Variants in DOCK4 observed in about 807,000 individuals in gnomAD.
DOCK4 encodes the protein dedicator of cytokinesis protein 4.
Under a neutral mutation model 268.1 loss-of-function variants are expected in DOCK4, and 97 were observed. The ratio of observed to expected loss-of-function variants is 0.36; its 90% confidence interval spans 0.31 to 0.43. DOCK4 has a LOEUF of 0.43. Among genes scored for constraint, DOCK4 ranks in the 20% least tolerant of loss-of-function variants. The pLI, the probability that DOCK4 is intolerant of heterozygous loss-of-function variation, is 1.00. For synonymous variants in DOCK4, 954 were observed against 887.2 expected (o/e 1.08, Z -1.34); for missense variants, 2,145 against 2,455.7 (o/e 0.87, Z 2.67).
intron 5 of DOCK4, among the ~76,000 whole-genome samples, chr7:111,991,867 A>G (rs1799559901): frequency 6.7e-6 from 1 of 148,896 alleles, no homozygotes; most frequent in African/African-American, 2.5e-5. Flanking sequence ...AGGCTGAGGC[A>G]GGAGAATGGC....
intron 1 of DOCK4, among the ~76,000 whole-genome samples, chr7:112,156,928 A>C (rs1415363935): frequency 6.6e-6 from 1 of 152,228 alleles, no homozygotes. Flanking sequence ...ACAAGTTTAT[A>C]GTATGAAAAG....
intron 48 of DOCK4, 76 bp downstream of exon 48, chr7:111,739,320 G>C: frequency 6.3e-7 from 1 of 1,592,670 alleles, no homozygotes; most frequent in Non-Finnish European, 8.6e-7. Context: ...GCCTGAACGT[G>C]TGGCAGCTGG....
At chr7:111,731,263 G>A (rs138370350) in intron 52 of DOCK4, among the ~76,000 whole-genome samples, 14 of 152,202 alleles carry the variant, frequency 9.2e-5, no homozygotes, top group Non-Finnish European at 4.4e-5. Context: ...GGGGGGAGGC[G>A]GGTTGTTTTC....
chr7:112,103,420 T>G (rs182427758), intron 1 of DOCK4, among the ~76,000 whole-genome samples: 47 of 152,308 alleles, frequency 3.1e-4, no homozygotes, highest in African/African-American at 1.1e-3. Flanking sequence ...CCCATGTTCC[T>G]GAGAGCCAGG....
rs796075466 is a variant in DOCK4 at position 111,866,337 on chromosome 7, CA to C, written c.2280+1646del. Among the ~76,000 whole-genome samples, 30 of 152,246 alleles carry C rather than the reference CA, an allele frequency of 2.0e-4. No homozygotes were observed. The South Asian group carries it at 4.8e-3, about 24-fold the overall frequency. On this transcript the variant is annotated intron_variant, in intron 22 of 52. Coordinates refer to ENST00000428084, the MANE Select transcript of DOCK4 (RefSeq NM_001363540.2). ...TTTTATATGGATTTTTTCTTAGCAT[CA>C]AAAGAAACATCAATTATCACATCAA... is the stretch of plus-strand genomic sequence containing the variant.
chr7:111,992,412 G>A (rs1414364869), intron 5 of DOCK4, among the ~76,000 whole-genome samples: 1 of 152,108 alleles, frequency 6.6e-6, no homozygotes, highest in Non-Finnish European at 1.5e-5. Flanking sequence ...GGTCTGACAT[G>A]GCCAAGGTAG....
chr7:111,841,596 T>A (rs1803700966), intron 25 of DOCK4, among the ~76,000 whole-genome samples: 1 of 152,014 alleles, frequency 6.6e-6, no homozygotes, highest in African/African-American at 2.4e-5. Flanking sequence ...TCTTAAAGCA[T>A]AAAAGCAAAG....
intron 41 of DOCK4, among the ~76,000 whole-genome samples, chr7:111,757,576 G>T (rs975066512): frequency 6.6e-6 from 1 of 152,014 alleles, no homozygotes; most frequent in Non-Finnish European, 1.5e-5. Flanking sequence ...TTTTCCAGTG[G>T]CCTCCTTGCC....
At chr7:112,047,843 C>T (rs765455797) in intron 1 of DOCK4, among the ~76,000 whole-genome samples, 1 of 152,128 alleles carries the variant, frequency 6.6e-6, no homozygotes, top group Non-Finnish European at 1.5e-5. Flanking sequence ...CAGGTGCATG[C>T]CACCATGCCT....
chr7:112,179,006 T>A (rs781019625), intron 1 of DOCK4, among the ~76,000 whole-genome samples: 6 of 152,168 alleles, frequency 3.9e-5, no homozygotes, highest in Non-Finnish European at 7.3e-5. Context: ...ATGAACATTT[T>A]AAAAAACTGT....
At chr7:112,193,574 G>T (rs1397357442) in intron 1 of DOCK4, among the ~76,000 whole-genome samples, 1 of 149,394 alleles carries the variant, frequency 6.7e-6, no homozygotes, top group African/African-American at 2.5e-5. Context: ...ATTCCAGCCT[G>T]AGCGACAGAG....
chr7:112,180,788 A>G (rs1818958863), intron 1 of DOCK4, among the ~76,000 whole-genome samples: 1 of 152,182 alleles, frequency 6.6e-6, no homozygotes, highest in Non-Finnish European at 1.5e-5. Context: ...TTGGCAAAGC[A>G]GGCTGCTTTA....
At chr7:111,831,577 C>G (rs915319510) in intron 26 of DOCK4, among the ~76,000 whole-genome samples, 1 of 151,900 alleles carries the variant, frequency 6.6e-6, no homozygotes, top group Non-Finnish European at 1.5e-5. Context: ...CTCCACCTCC[C>G]TGGCTGAAGC....
intron 1 of DOCK4, among the ~76,000 whole-genome samples, chr7:112,063,176 C>T (rs577791138): frequency 2.0e-4 from 31 of 152,268 alleles, no homozygotes; most frequent in African/African-American, 7.5e-4. Context: ...TTCTCTTTGA[C>T]CAAACTGCAA....
intron 12 of DOCK4, among the ~76,000 whole-genome samples, chr7:111,927,187 T>C (rs1793787454): frequency 6.6e-6 from 1 of 152,222 alleles, no homozygotes; most frequent in African/African-American, 2.4e-5. Context: ...GACTACCTTC[T>C]AATATGCAAA....
At chr7:112,015,760 T>G (rs1586646853) in intron 1 of DOCK4, among the ~76,000 whole-genome samples, 1 of 152,212 alleles carries the variant, frequency 6.6e-6, no homozygotes, top group South Asian at 2.1e-4. Context: ...ACAGGCTGGG[T>G]AATTTATAAA....
At chr7:112,018,125 C>T (rs151073760) in intron 1 of DOCK4, among the ~76,000 whole-genome samples, 2 of 94,322 alleles carry the variant, frequency 2.1e-5, no homozygotes, top group Non-Finnish European at 3.8e-5. Flanking sequence ...GCCTGGGCAA[C>T]ACAGCAAGAC....
chr7:112,123,804 T>A (rs1812964753), intron 1 of DOCK4, among the ~76,000 whole-genome samples: 2 of 152,258 alleles, frequency 1.3e-5, no homozygotes, highest in East Asian at 3.9e-4. Flanking sequence ...GAATCAGCTA[T>A]CATAAGGAAG....
intron 26 of DOCK4, among the ~76,000 whole-genome samples, chr7:111,834,110 C>T (rs1305555865): frequency 6.6e-6 from 1 of 152,136 alleles, no homozygotes; most frequent in African/African-American, 2.4e-5. Context: ...GTCAGAGTAG[C>T]ACAGCATATT....
Sources: gnomAD v4.1 joint callset for allele counts (sites outside exome capture counted in the v4.1 genomes callset) on GRCh38, gnomAD v4.1.1 for gene constraint, MANE v1.5 for transcripts, NCBI Gene and HGNC (gene_info 2026-07-23, HGNC 2026-07-21) for gene names.